The following FHOD3 variants were observed in gnomAD, a reference collection of about 807,000 sequenced individuals.
FHOD3 encodes FH1/FH2 domain-containing protein 3.
FHOD3 carries 90 observed loss-of-function variants against 173.0 expected under a neutral mutation model. That is an observed-to-expected ratio of 0.52 (90% CI 0.44 to 0.62). The LOEUF is 0.62. Ranked by LOEUF, FHOD3 falls within the 20% of genes least tolerant of loss-of-function variation. The pLI is 0.00. For missense variants in FHOD3, 1,945 were observed against 2,034.7 expected, an observed-to-expected ratio of 0.96 and a Z score of 0.85; for synonymous variants, 828 against 823.0, an observed-to-expected ratio of 1.01 and a Z score of -0.10.
rs562445857 is a variant in FHOD3 at position 36,397,934 on chromosome 18, C to T, written c.337+25190C>T. Among the ~76,000 whole-genome samples the T allele has an allele frequency of 5.3e-5, 8 of 152,294 alleles. No individual in the cohort carries two copies. The East Asian group carries it at 1.5e-3, about 29-fold the overall frequency. On this transcript the variant is annotated intron_variant, in intron 3 of 28. Transcript: ENST00000590592. The stretch of plus-strand genomic sequence containing the variant: ...GAGGCTTTCTGGAAGTTTACTGGAA[C>T]ATTTCTGTTTACATGTTATTGGACA...
Position 36,398,218 on chromosome 18 carries a change from C to T in FHOD3, c.337+25474C>T, listed in dbSNP as rs532980739. On this transcript the variant is annotated intron_variant, in intron 3 of 28. Transcript: ENST00000590592. ...ACATATTTTTCTCATTACATTTATGCTGTTCTGCAAATGAAAACAATTCAG... is the reference window on the plus strand; with the variant it reads ...ACATATTTTTCTCATTACATTTATGTTGTTCTGCAAATGAAAACAATTCAG... Among the ~76,000 whole-genome samples the T allele has an allele frequency of 1.4e-4, 21 of 152,280 alleles. 1 individual carries two copies. Among genetic ancestry groups the T allele is most frequent in the Middle Eastern group, 3.4e-3 (1 of 294 alleles).
intron 10 of FHOD3, among the ~76,000 whole-genome samples, chr18:36,633,907 A>G (rs1028974604): frequency 5.9e-5 from 9 of 152,190 alleles, no homozygotes; most frequent in Non-Finnish European, 8.8e-5. Context: ...AAGACATTTT[A>G]TAGAGGGGAC....
chr18:36,394,491 A>G (rs1165996524), intron 3 of FHOD3, among the ~76,000 whole-genome samples: 1 of 152,178 alleles, frequency 6.6e-6, no homozygotes, highest in Non-Finnish European at 1.5e-5. Context: ...ACCACCCACC[A>G]TGCATGTTTT....
chr18:36,761,992 A>G (rs2042901476), intron 27 of FHOD3, among the ~76,000 whole-genome samples: 1 of 151,932 alleles, frequency 6.6e-6, no homozygotes, highest in Non-Finnish European at 1.5e-5. Flanking sequence ...TATTGCGCCC[A>G]CCAGACATTT....
At chr18:36,639,696 G>A (rs780269321) in intron 10 of FHOD3, among the ~76,000 whole-genome samples, 23 of 151,538 alleles carry the variant, frequency 1.5e-4, no homozygotes, top group Non-Finnish European at 3.1e-4. Flanking sequence ...GGTGGTGGGC[G>A]CCTGTAGTCC....
chr18:36,333,483 G>A lies in FHOD3; in HGVS notation c.166-22056G>A, dbSNP rs117633515. Among the ~76,000 whole-genome samples the A allele has an allele frequency of 3.9e-3, 587 of 152,354 alleles. 11 individuals are homozygous for A. Among genetic ancestry groups the A allele is most frequent in the Admixed American group, 0.02 (299 of 15,308 alleles). Reference sequence around the variant, plus strand: ...CTAATCCAGAGGAATGTACAATTCTGCCTTTTTGGGTTTATAACCATTTTT... The same window carrying A: ...CTAATCCAGAGGAATGTACAATTCTACCTTTTTGGGTTTATAACCATTTTT... On this transcript the variant is annotated intron_variant, in intron 1 of 28. Coordinates refer to ENST00000590592, the MANE Select transcript of FHOD3 (RefSeq NM_001281740.3).
At chr18:36,526,872 C>T (rs756687913) in intron 5 of FHOD3, among the ~76,000 whole-genome samples, 2 of 152,190 alleles carry the variant, frequency 1.3e-5, no homozygotes, top group Non-Finnish European at 2.9e-5. Flanking sequence ...AGATATGTAA[C>T]GTGGTGACTT....
At chr18:36,469,811 G>A (rs1315838912) in intron 3 of FHOD3, among the ~76,000 whole-genome samples, 1 of 151,018 alleles carries the variant, frequency 6.6e-6, no homozygotes, top group Non-Finnish European at 1.5e-5. Context: ...GTTGTTGGAG[G>A]GTTAAGGGGG....
intron 5 of FHOD3, among the ~76,000 whole-genome samples, chr18:36,553,453 C>CT (rs992645061): frequency 2.0e-5 from 3 of 151,726 alleles, no homozygotes; most frequent in Admixed American, 1.3e-4. Context: ...TGGTCATGGG[C>CT]TTTTTTTTGT....
intron 14 of FHOD3, among the ~76,000 whole-genome samples, chr18:36,675,397 A>C (rs1600193225): frequency 6.8e-6 from 1 of 148,054 alleles, no homozygotes; most frequent in Non-Finnish European, 1.5e-5. Flanking sequence ...TTATCCTCTC[A>C]CACTTTGGTC....
chr18:36,310,687 C>CAAAAA, intron 1 of FHOD3, among the ~76,000 whole-genome samples: 1 of 72,700 alleles, frequency 1.4e-5, no homozygotes, highest in African/African-American at 4.1e-5. Context: ...GACTCCATCT[C>CAAAAA]AAAAAAAAAA....
intron 8 of FHOD3, 25 bp from the exon 9 acceptor site, chr18:36,611,927 G>A: frequency 6.2e-7 from 1 of 1,607,932 alleles, no homozygotes; most frequent in Non-Finnish European, 8.5e-7. Flanking sequence ...TGGTGTCTCT[G>A]TAGCTGGTTC....
chr18:36,337,536 T>C (rs2045383744), intron 1 of FHOD3, among the ~76,000 whole-genome samples: 1 of 152,178 alleles, frequency 6.6e-6, no homozygotes, highest in Non-Finnish European at 1.5e-5. Context: ...TGCATGTGGC[T>C]CTTTGGAAGG....
chr18:36,587,660 G>T (rs965800638), intron 6 of FHOD3, among the ~76,000 whole-genome samples: 1 of 152,082 alleles, frequency 6.6e-6, no homozygotes. Flanking sequence ...GCTTGGTGGT[G>T]CATGCCTGTA....
rs1355061350 is a variant in FHOD3, at chr18:36,568,189, T to A, written c.512-8262T>A. On this transcript the variant is annotated intron_variant, in intron 5 of 28. Coordinates refer to ENST00000590592, the MANE Select transcript of FHOD3 (RefSeq NM_001281740.3). Reference sequence around the variant, plus strand: ...AAATACAAAAAAAAAAAAAAATAAATTAGCCAGGCATGGTGGTGCACATCT... The same window carrying A: ...AAATACAAAAAAAAAAAAAAATAAAATAGCCAGGCATGGTGGTGCACATCT... Among the ~76,000 whole-genome samples, 993 of 138,538 alleles carry A rather than the reference T, an allele frequency of 7.2e-3. 16 individuals are homozygous for A. The highest frequency in any genetic ancestry group is 0.026 in the African/African-American group (930 of 36,148). The allele number at this position is 138,538 out of a possible 152,430, so 90.9% of individuals were successfully genotyped here.
Position 36,742,722 on chromosome 18 carries a change from T to C in FHOD3, c.3760-15T>C. 6.3e-7 allele frequency: 1 copy of C among 1,599,618 alleles called. No individual in the cohort carries two copies. Among genetic ancestry groups the C allele is most frequent in the Non-Finnish European group, 8.5e-7 (1 of 1,176,174 alleles). The stretch of plus-strand genomic sequence containing the variant: ...TTGTACACTCTTTATTGTCTAATTT[T>C]TTTTTAACTGAAAGGAAGTAGCAGA... On this transcript the variant is annotated splice_polypyrimidine_tract_variant and intron_variant, in intron 21 of 28. Coordinates refer to ENST00000590592, the MANE Select transcript of FHOD3 (RefSeq NM_001281740.3).
At chr18:36,771,461 C>A (rs1453937830) in intron 28 of FHOD3, among the ~76,000 whole-genome samples, 1 of 152,150 alleles carries the variant, frequency 6.6e-6, no homozygotes, top group Non-Finnish European at 1.5e-5. Flanking sequence ...GAGCCTATTG[C>A]CATTTGCATC....
intron 3 of FHOD3, among the ~76,000 whole-genome samples, chr18:36,386,598 G>T (rs979714201): frequency 1.3e-4 from 20 of 152,170 alleles, no homozygotes; most frequent in African/African-American, 3.6e-4. Context: ...TTGAAGAGTG[G>T]GATCAGTGAG....
Position 36,740,704 on chromosome 18 carries a change from G to A in FHOD3, c.3625G>A (p.Glu1209Lys). 6.2e-7 allele frequency: 1 copy of A among 1,613,984 alleles called. No homozygotes were observed. The highest frequency in any genetic ancestry group is 1.1e-5 in the South Asian group (1 of 91,072). ...PTDEEKQKIQ[E>K]AQLANPEIPL... ...CGATGAGGAGAAGCAGAAAATCCAG[G>A]AAGCTCAGCTGGCCAACCCTGAAAT... Residue 1209 changes from glutamate (E) to lysine (K), a missense_variant, in exon 21 of 29, where the codon GAA becomes AAA. Transcript: ENST00000590592.
Sources: allele counts gnomAD v4.1 joint callset (sites outside exome capture counted in the v4.1 genomes callset), GRCh38; gene constraint gnomAD v4.1.1; transcripts MANE v1.5; gene names NCBI Gene and HGNC (gene_info 2026-07-23, HGNC 2026-07-21).